LIMD1: variants seen among roughly 807,000 people sequenced by gnomAD.
LIMD1 encodes LIM domain containing 1, also known as LIM domain-containing protein 1.
A neutral mutation model predicts 58.4 loss-of-function variants in LIMD1; 23 were observed. The observed-to-expected ratio is 0.39, with a 90% confidence interval of 0.28 to 0.56. The LOEUF (loss-of-function observed/expected upper bound fraction) is 0.56. LIMD1 is among the 20% of genes least tolerant of loss of function. The pLI is 0.57. For missense variants in LIMD1, 838 were observed against 855.5 expected (o/e 0.98, Z 0.25); for synonymous variants, 334 against 345.5 (o/e 0.97, Z 0.37).
intron 5 of LIMD1, among the ~76,000 whole-genome samples, chr3:45,673,032 G>GA (rs111398686): frequency 0.056 from 7,910 of 141,112 alleles, 210 homozygotes; most frequent in African/African-American, 0.082. Context: ...CATGTTTAGT[G>GA]AAAAAAAAAA....
rs10572210 is a variant in LIMD1, at chr3:45,658,535, C to CTTTTTTTTTTTT, written c.1511-7094_1511-7083dup. On this transcript the variant is annotated intron_variant, in intron 2 of 7. Transcript: ENST00000273317. ...AACCATCCCCTCCACCATGCAGATT[C>CTTTTTTTTTTTT]TTTTTTTTTTTTTTTTTTTTTTTTT... 5.1e-4 allele frequency among the ~76,000 whole-genome samples: 23 copies of CTTTTTTTTTTTT among 44,738 alleles called. 2 individuals carry two copies. The highest frequency in any genetic ancestry group is 7.2e-4 in the Non-Finnish European group (16 of 22,166). 29.3% of individuals were successfully genotyped at this position (44,738 alleles called of 152,430 possible).
At chr3:45,607,979 C>T (rs1701484853) in intron 1 of LIMD1, among the ~76,000 whole-genome samples, 2 of 152,236 alleles carry the variant, frequency 1.3e-5, no homozygotes, top group South Asian at 4.1e-4. Context: ...TCCCTCCCCT[C>T]CTGCTACCTC....
chr3:45,662,045 A>G (rs1240155549), intron 2 of LIMD1, among the ~76,000 whole-genome samples: 1 of 152,256 alleles, frequency 6.6e-6, no homozygotes, highest in Non-Finnish European at 1.5e-5. Context: ...GGTGTGAGCC[A>G]CTGTGCCTGG....
intron 1 of LIMD1, among the ~76,000 whole-genome samples, chr3:45,606,156 A>G (rs1286336587): frequency 6.6e-6 from 1 of 152,198 alleles, no homozygotes; most frequent in Non-Finnish European, 1.5e-5. Flanking sequence ...AATCCTCCCA[A>G]CAACCCTACT....
chr3:45,610,200 C>T (rs529312142), intron 1 of LIMD1, among the ~76,000 whole-genome samples: 1 of 152,236 alleles, frequency 6.6e-6, no homozygotes, highest in Admixed American at 6.5e-5. Context: ...AAAAAGACTT[C>T]TCGAATGAAT....
At chr3:45,654,242 CATT>C (rs746630027) in intron 2 of LIMD1, among the ~76,000 whole-genome samples, 4 of 152,178 alleles carry the variant, frequency 2.6e-5, no homozygotes, top group African/African-American at 7.2e-5. Context: ...AAACTCTTCT[CATT>C]GTTGGGAAAC....
rs141262460 is a variant in LIMD1 at position 45,597,868 on chromosome 3, G to A, written c.1408+1581G>A. On this transcript the variant is annotated intron_variant, in intron 1 of 7. Coordinates refer to ENST00000273317, the MANE Select transcript of LIMD1 (RefSeq NM_014240.3). Reference sequence around the variant, plus strand: ...TGTGTGCAGCTTATGGTAGCATTGTGTTTTGCTTCTCATGAGAACCTTGTG... The same window carrying A: ...TGTGTGCAGCTTATGGTAGCATTGTATTTTGCTTCTCATGAGAACCTTGTG... Among the ~76,000 whole-genome samples, 1,209 of 152,342 alleles carry A rather than the reference G, an allele frequency of 7.9e-3. 18 individuals are homozygous for A. The highest frequency in any genetic ancestry group is 0.027 in the African/African-American group (1,138 of 41,568).
At chr3:45,610,012 T>G (rs889714489) in intron 1 of LIMD1, among the ~76,000 whole-genome samples, 8 of 151,944 alleles carry the variant, frequency 5.3e-5, no homozygotes, top group Non-Finnish European at 5.9e-5. Flanking sequence ...ACCAACATGG[T>G]GAAACCCCAT....
chr3:45,636,455 C>G (rs1326857522), intron 2 of LIMD1, among the ~76,000 whole-genome samples: 1 of 152,132 alleles, frequency 6.6e-6, no homozygotes, highest in Non-Finnish European at 1.5e-5. Flanking sequence ...AACACAATAC[C>G]AAAGATTGCC....
chr3:45,616,195 A>T (rs528727856), intron 1 of LIMD1, among the ~76,000 whole-genome samples: 1 of 152,246 alleles, frequency 6.6e-6, no homozygotes, highest in South Asian at 2.1e-4. Flanking sequence ...TTGGAATCAG[A>T]ATTGAGAACT....
At chr3:45,655,140 G>A (rs969651293) in intron 2 of LIMD1, among the ~76,000 whole-genome samples, 1 of 151,954 alleles carries the variant, frequency 6.6e-6, no homozygotes, top group African/African-American at 2.4e-5. Flanking sequence ...AGCTGGTGTC[G>A]AACTCCTGAC....
chr3:45,594,836 CA>C lies in LIMD1; in HGVS notation c.-43del. ...ACACACACACACACACACACACACA[CA>C]CACACACGGCACCTGGGCTAGGCCC... is the stretch of plus-strand genomic sequence containing the variant. On this transcript the variant is annotated 5_prime_UTR_variant, in exon 1 of 8. Coordinates refer to ENST00000273317, the MANE Select transcript of LIMD1 (RefSeq NM_014240.3). 1.7e-6 allele frequency: 2 copies of C among 1,196,698 alleles called. No homozygotes were observed. The highest frequency in any genetic ancestry group is 1.2e-6 in the Non-Finnish European group (1 of 836,908). 74.1% of individuals were successfully genotyped at this position (1,196,698 alleles called of 1,614,324 possible).
In LIMD1 at chr3:45,594,876, C is replaced by T. The variant is rs1269731133; in HGVS notation, c.-4C>T. 6.3e-7 allele frequency: 1 copy of T among 1,599,564 alleles called. No individual in the cohort carries two copies. The highest frequency in any genetic ancestry group is 1.7e-5 in the Admixed American group (1 of 59,122). On this transcript the variant is annotated 5_prime_UTR_variant, in exon 1 of 8. Coordinates refer to ENST00000273317, the MANE Select transcript of LIMD1 (RefSeq NM_014240.3). ...TGGGCTAGGCCCGGACACCTGTCTGCAGCATGGATAAGTATGACGACCTGG... is the reference window on the plus strand; with the variant it reads ...TGGGCTAGGCCCGGACACCTGTCTGTAGCATGGATAAGTATGACGACCTGG...
At chr3:45,674,282 C>G (rs1465339369) in intron 6 of LIMD1, 61 bp from the exon 7 acceptor site, 3 of 1,384,608 alleles carry the variant, frequency 2.2e-6, no homozygotes, top group Admixed American at 3.4e-5. Flanking sequence ...CACGGTACAT[C>G]AAGCCCGACA....
chr3:45,654,920 ATT>A (rs199987395), intron 2 of LIMD1, among the ~76,000 whole-genome samples: 2,981 of 140,576 alleles, frequency 0.021, 111 homozygotes, highest in African/African-American at 0.073. Flanking sequence ...TTATCAGTCA[ATT>A]TTTTTTTTTT....
intron 2 of LIMD1, among the ~76,000 whole-genome samples, chr3:45,657,614 C>G (rs1697355356): frequency 1.3e-5 from 2 of 151,906 alleles, no homozygotes; most frequent in African/African-American, 4.8e-5. Flanking sequence ...TATAGGTGTG[C>G]ATCCAACAAG....
At chr3:45,672,611 T>C (rs1049386702) in intron 4 of LIMD1, 79 bp from the exon 5 acceptor site, 10 of 1,499,626 alleles carry the variant, frequency 6.7e-6, no homozygotes, top group Non-Finnish European at 9.2e-6. Flanking sequence ...ATGTAATCCT[T>C]AGGCCTGATG....
rs1176094646 is a variant in LIMD1 at position 45,685,376 on chromosome 3, T to C, written c.*8317T>C. 6.6e-6 allele frequency: 1 copy of C among 152,254 alleles called. No individual in the cohort carries two copies. The highest frequency in any genetic ancestry group is 1.5e-5 in the Non-Finnish European group (1 of 68,044). 9.4% of individuals were successfully genotyped at this position (152,254 alleles called of 1,614,324 possible). A position where few individuals can be genotyped will look rare whatever the true frequency, so the allele number is the denominator to read the frequency against. ...CAACTGGTAAAGAAACGTCAAACTTTGCCTCTCTTAGTTCCTTCTACATGA... is the reference window on the plus strand; with the variant it reads ...CAACTGGTAAAGAAACGTCAAACTTCGCCTCTCTTAGTTCCTTCTACATGA... On this transcript the variant is annotated 3_prime_UTR_variant, in exon 8 of 8. Coordinates refer to ENST00000273317, the MANE Select transcript of LIMD1 (RefSeq NM_014240.3).
chr3:45,636,555 G>C (rs755733775), intron 2 of LIMD1, among the ~76,000 whole-genome samples: 2 of 152,198 alleles, frequency 1.3e-5, no homozygotes, highest in African/African-American at 2.4e-5. Context: ...AGAAGATTTG[G>C]GAGGAAGTGC....
Sources: allele counts gnomAD v4.1 joint callset (sites outside exome capture counted in the v4.1 genomes callset), GRCh38; gene constraint gnomAD v4.1.1; transcripts MANE v1.5; gene names NCBI Gene and HGNC (gene_info 2026-07-23, HGNC 2026-07-21).